KIF17: variants seen among roughly 807,000 people sequenced by gnomAD.
KIF17 encodes kinesin-like protein KIF17.
Under a neutral mutation model 96.8 loss-of-function variants are expected in KIF17, and 80 were observed. The observed-to-expected ratio is 0.83, with a 90% CI of 0.69 to 1.00. KIF17 has a LOEUF of 1.00. Ranked by LOEUF, KIF17 falls within the 50% of genes least tolerant of loss-of-function variation. The pLI is 0.00. For missense variants in KIF17, 1,280 were observed against 1,372.9 expected, an observed-to-expected ratio of 0.93 and a Z score of 1.07; for synonymous variants, 567 against 587.5, an observed-to-expected ratio of 0.97 and a Z score of 0.51.
At chr1:20,690,967 G>A (rs548467182) in intron 6 of KIF17, among the ~76,000 whole-genome samples, 6 of 151,984 alleles carry the variant, frequency 3.9e-5, no homozygotes, top group Middle Eastern at 3.4e-3. Context: ...GATTACAGGC[G>A]TGAGACACCA....
rs1315224632 is a variant in KIF17, at chr1:20,669,568, TAAAATA to T, written c.2790+847_2790+852del. Reference sequence around the variant, plus strand: ...TAATAATAATAATAATAATAATAAATAAAATAAAATAAAATAAAATAGAGGCCGGGC... The same window carrying T: ...TAATAATAATAATAATAATAATAAATAAATAAAATAAAATAGAGGCCGGGC... On this transcript the variant is annotated intron_variant, in intron 13 of 14. Coordinates refer to ENST00000400463, the MANE Select transcript of KIF17 (RefSeq NM_001122819.3). Among the ~76,000 whole-genome samples the T allele has an allele frequency of 7.1e-5, 6 of 84,922 alleles. No homozygotes were observed. In the Admixed American group the frequency reaches 7.3e-4, roughly 10 times the overall value. The allele number at this position is 84,922 out of a possible 152,430, so 55.7% of individuals were successfully genotyped here.
intron 11 of KIF17, among the ~76,000 whole-genome samples, chr1:20,682,137 A>G (rs1048777894): frequency 2.0e-5 from 3 of 151,658 alleles, no homozygotes; most frequent in African/African-American, 7.3e-5. Flanking sequence ...ACCCGCATGC[A>G]TGCACACACA....
rs1270422903 is a variant in KIF17, at chr1:20,704,176, G to T, written c.1123+271C>A. ...TGGGGGGTGTGGTGGGGGTGGGGGG[G>T]ATAATGGATGAGCAGATGAGAGGCG... On this transcript the variant is annotated intron_variant, in intron 5 of 14. Transcript: ENST00000400463. The surrounding 1 kb of genome is among the most constrained non-coding windows in gnomAD (Gnocchi z 6.8). Among the ~76,000 whole-genome samples the T allele has an allele frequency of 6.9e-6, 1 of 143,892 alleles. No homozygotes were observed. Among genetic ancestry groups the T allele is most frequent in the Non-Finnish European group, 1.5e-5 (1 of 65,702 alleles). 94.4% of individuals were successfully genotyped at this position (143,892 alleles called of 152,430 possible).
intron 4 of KIF17, among the ~76,000 whole-genome samples, chr1:20,706,943 A>T (rs867682218): frequency 6.6e-6 from 1 of 152,076 alleles, no homozygotes; most frequent in Admixed American, 6.5e-5. Context: ...ACACCACCAA[A>T]AACAGCTGGG....
Position 20,714,292 on chromosome 1 carries a change from A to G in KIF17, c.379-737T>C, listed in dbSNP as rs186054782. ...CAGTGAGCTGAGATCACGCCACTGC[A>G]CTCCAGCCTGGACAACAGAGCGAGA... On this transcript the variant is annotated intron_variant, in intron 2 of 14. Transcript: ENST00000400463. 2.6e-5 allele frequency among the ~76,000 whole-genome samples: 4 copies of G among 151,308 alleles called. No individual in the cohort carries two copies. In the East Asian group the frequency reaches 7.8e-4, roughly 30 times the overall value.
chr1:20,703,477 T>A (rs1194665629), intron 5 of KIF17, among the ~76,000 whole-genome samples: 1 of 91,416 alleles, frequency 1.1e-5, no homozygotes, highest in African/African-American at 5.9e-5. Context: ...GGAGGATGGA[T>A]AGATGGATAG....
intron 6 of KIF17, chr1:20,694,126 C>G (rs1395101807): frequency 6.6e-6 from 1 of 151,348 alleles, no homozygotes; most frequent in Admixed American, 6.6e-5. Flanking sequence ...CAGACAGAGT[C>G]TCGCTCTGTT....
Position 20,684,956 on chromosome 1 carries a change from A to G in KIF17, c.2084T>C (p.Leu695Ser). 6.2e-7 allele frequency: 1 copy of G among 1,605,100 alleles called. No individual in the cohort carries two copies. The highest frequency in any genetic ancestry group is 8.5e-7 in the Non-Finnish European group (1 of 1,176,120). The change falls in exon 10 of 15, where the codon TTG becomes TCG. Residue 695 changes from leucine to serine, a missense_variant. Transcript: ENST00000400463. ...VVRTAEPGVW[L>S]EAQAPVALVA... ...CAGGGCCACCGGGGCCTGAGCCTCC[A>G]ACCACACGCCAGGCTCTGCTGTCCG...
At chr1:20,686,387 C>T (rs1476766665) in intron 8 of KIF17, 3 of 557,506 alleles carry the variant, frequency 5.4e-6, no homozygotes, top group South Asian at 2.0e-5. Flanking sequence ...TCCTCTGAAG[C>T]AACCTCATTT....
Sources: allele counts gnomAD v4.1 joint callset (sites outside exome capture counted in the v4.1 genomes callset), GRCh38; gene constraint gnomAD v4.1.1; non-coding constraint Gnocchi (gnomAD v3.1); transcripts MANE v1.5; gene names NCBI Gene and HGNC (gene_info 2026-07-23, HGNC 2026-07-21).